Variants in TENM4 observed in about 807,000 individuals in gnomAD.
TENM4 encodes the protein teneurin-4.
A neutral mutation model predicts 243.3 loss-of-function variants in TENM4; 82 were observed. That is an observed-to-expected ratio of 0.34 (90% confidence interval 0.28 to 0.40). The LOEUF (loss-of-function observed/expected upper bound fraction) is 0.40, where lower values mean the gene tolerates loss of function less well. Ranked by LOEUF, TENM4 falls within the 10% of genes least tolerant of loss-of-function variation. TENM4 has a pLI of 1.00. For missense variants in TENM4, 3,138 were observed against 3,673.3 expected (o/e 0.85, Z 3.77); for synonymous variants, 1,412 against 1,456.3 (o/e 0.97, Z 0.69).
intron 2 of TENM4, among the ~76,000 whole-genome samples, chr11:79,217,508 A>C (rs1864075970): frequency 6.6e-6 from 1 of 152,228 alleles, no homozygotes; most frequent in Admixed American, 6.5e-5. Flanking sequence ...GTTTATTATA[A>C]GGTGAGGAAT....
chr11:79,300,904 A>G (rs2135398223), intron 1 of TENM4, among the ~76,000 whole-genome samples: 2 of 152,272 alleles, frequency 1.3e-5, no homozygotes, highest in Admixed American at 1.3e-4. Flanking sequence ...CCTGTTTCCT[A>G]CCAGAAATCT....
At chr11:78,676,077 C>G in intron 30 of TENM4, 75 bp downstream of exon 30, 1 of 1,350,938 alleles carries the variant, frequency 7.4e-7, no homozygotes, top group Non-Finnish European at 9.8e-7. Context: ...CAGGGAATTT[C>G]AAGAACAGAG....
At chr11:79,197,400 CA>C (rs1288736368) in intron 3 of TENM4, among the ~76,000 whole-genome samples, 1 of 151,166 alleles carries the variant, frequency 6.6e-6, no homozygotes, top group African/African-American at 2.4e-5. Flanking sequence ...GAACCAGAAC[CA>C]AAAGCTGCTC....
intron 2 of TENM4, among the ~76,000 whole-genome samples, chr11:79,235,373 GC>G (rs563475661): frequency 1.1e-4 from 17 of 152,194 alleles, no homozygotes; most frequent in African/African-American, 3.6e-4. Context: ...AGACAGGGTG[GC>G]CCCCCTGTAG....
chr11:78,887,909 A>C (rs1855580660), intron 9 of TENM4, among the ~76,000 whole-genome samples: 2 of 152,354 alleles, frequency 1.3e-5, no homozygotes, highest in South Asian at 4.1e-4. Context: ...CAAACTACTC[A>C]AATTATGACT....
At chr11:79,360,385 A>G (rs1565314516) in intron 1 of TENM4, among the ~76,000 whole-genome samples, 1 of 152,196 alleles carries the variant, frequency 6.6e-6, no homozygotes, top group Non-Finnish European at 1.5e-5. Flanking sequence ...GGCACATGAC[A>G]TTTCTTCCCA....
chr11:78,719,335 C>G (rs1342430905), intron 25 of TENM4, among the ~76,000 whole-genome samples: 1 of 152,044 alleles, frequency 6.6e-6, no homozygotes. Context: ...AAGGACATAA[C>G]CCTCTATCTG....
chr11:78,769,009 C>T (rs1238297418), intron 18 of TENM4, among the ~76,000 whole-genome samples: 1 of 152,202 alleles, frequency 6.6e-6, no homozygotes, highest in East Asian at 1.9e-4. Context: ...GAGAGGTACG[C>T]CCTTTCCCCA....
intron 19 of TENM4, among the ~76,000 whole-genome samples, chr11:78,750,055 A>G (rs1471505867): frequency 6.6e-6 from 1 of 152,136 alleles, no homozygotes; most frequent in Non-Finnish European, 1.5e-5. Flanking sequence ...TCCTCCAGAC[A>G]CATTAAAATT....
intron 3 of TENM4, among the ~76,000 whole-genome samples, chr11:79,197,355 A>ATTCTT (rs1565245686): frequency 1.4e-5 from 2 of 145,160 alleles, no homozygotes; most frequent in African/African-American, 5.0e-5. Flanking sequence ...TTTTTTTTTA[A>ATTCTT]AAAGCCCCTG....
chr11:78,798,004 C>A (rs1329332868), intron 15 of TENM4, among the ~76,000 whole-genome samples: 1 of 152,178 alleles, frequency 6.6e-6, no homozygotes, highest in East Asian at 1.9e-4. Context: ...ACAATTCTAG[C>A]TACACAAATG....
chr11:79,252,081 T>A (rs1176398061), intron 2 of TENM4, among the ~76,000 whole-genome samples: 1 of 152,034 alleles, frequency 6.6e-6, no homozygotes, highest in Non-Finnish European at 1.5e-5. Context: ...AAAGAAAAAA[T>A]TGTAAAAGCT....
chr11:78,781,352 G>T (rs185377111), intron 16 of TENM4, among the ~76,000 whole-genome samples: 1 of 152,092 alleles, frequency 6.6e-6, no homozygotes, highest in Non-Finnish European at 1.5e-5. Context: ...CTTGGGCAAC[G>T]CTTGTTTCTT....
At position 78,805,475 on chromosome 11, in the gene TENM4, T is replaced by C; in HGVS notation, c.1996A>G (p.Thr666Ala). 1 of 1,582,554 alleles carries C rather than the reference T, an allele frequency of 6.3e-7. No homozygotes were observed. The highest frequency in any genetic ancestry group is 1.2e-5 in the South Asian group (1 of 86,414). The change falls in exon 15 of 34, where the codon ACA (threonine) becomes GCA (alanine). Residue 666 changes from threonine to alanine, a missense_variant. This residue lies in a region of TENM4 where 2,467 missense variants were observed against 3,059.1 expected (regional missense o/e 0.81). Transcript: ENST00000278550. Reference protein sequence around the residue: ...SCEEVDCMDPTCSGRGVCVRG... With the variant: ...SCEEVDCMDPACSGRGVCVRG... ...ACGCAGACACCCCGGCCTGAACATG[T>C]GGGGTCCATGCAGTCCACTGTGAGA...
chr11:78,904,320 A>C (rs143425992), intron 6 of TENM4, among the ~76,000 whole-genome samples: 1,856 of 142,828 alleles, frequency 0.013, 38 homozygotes, highest in African/African-American at 0.048. Flanking sequence ...AGATTGCGCC[A>C]CTGCACTCCA....
At chr11:79,004,169 T>A (rs1237659190) in intron 6 of TENM4, among the ~76,000 whole-genome samples, 1 of 151,882 alleles carries the variant, frequency 6.6e-6, no homozygotes, top group Non-Finnish European at 1.5e-5. Flanking sequence ...AGAAAGAGAG[T>A]TGGGTAACCA....
intron 17 of TENM4, among the ~76,000 whole-genome samples, chr11:78,772,445 ATGGATGTGAAAGCAC>A (rs1856663387): frequency 6.6e-6 from 1 of 152,174 alleles, no homozygotes; most frequent in South Asian, 2.1e-4. Context: ...TGGGAGAGGT[ATGGATGTGAAAGCAC>A]TGTGTCAGCT....
intron 6 of TENM4, among the ~76,000 whole-genome samples, chr11:78,921,294 T>C (rs540653844): frequency 6.6e-6 from 1 of 152,314 alleles, no homozygotes; most frequent in Admixed American, 6.5e-5. Context: ...CTGTCATGTG[T>C]CTGGATATCC....
chr11:79,215,656 C>T (rs1864037977), intron 3 of TENM4, among the ~76,000 whole-genome samples, 152 bp downstream of exon 3: 1 of 152,242 alleles, frequency 6.6e-6, no homozygotes, highest in African/African-American at 2.4e-5. Flanking sequence ...TACCTTTACT[C>T]TGGCCAGAAC....
Sources: gnomAD v4.1 joint callset for allele counts (sites outside exome capture counted in the v4.1 genomes callset) on GRCh38, gnomAD v4.1.1 for gene constraint, gnomAD v4.1.1 regional missense constraint, MANE v1.5 for transcripts, NCBI Gene and HGNC (gene_info 2026-07-23, HGNC 2026-07-21) for gene names.